TRPM1: variants seen among roughly 807,000 people sequenced by gnomAD.
The protein encoded by TRPM1 is transient receptor potential cation channel subfamily M member 1.
Under a neutral mutation model 149.4 loss-of-function variants are expected in TRPM1, and 113 were observed. The ratio of observed to expected loss-of-function variants is 0.76; its 90% CI spans 0.65 to 0.88. The LOEUF is 0.88. Among genes scored for constraint, TRPM1 ranks in the 40% least tolerant of loss-of-function variants. TRPM1 has a pLI of 0.00. For missense variants in TRPM1, 1,976 were observed against 2,038.7 expected (o/e 0.97, Z 0.59); for synonymous variants, 741 against 759.5 (o/e 0.98, Z 0.40).
Position 31,038,140 on chromosome 15 carries a change from G to T in TRPM1, c.2343C>A (p.Pro781=), listed in dbSNP as rs1332602240. Residue 781 remains proline, a synonymous_variant, in exon 19 of 28, where the codon CCC becomes CCA. Coordinates refer to ENST00000256552, the MANE Select transcript of TRPM1 (RefSeq NM_001252024.2). ...LKVIMGILLP[P]TILFLEFRTY... is the part of the protein sequence containing the mutation. ...TGCGAAATTCCAAAAACAAGATGGT[G>T]GGGGGTAGAAGAATCCCCATGATAA... is the stretch of plus-strand genomic sequence containing the variant. 7 of 1,613,478 alleles carry T rather than the reference G, an allele frequency of 4.3e-6. No homozygotes were observed. In the East Asian group the frequency reaches 6.7e-5, roughly 15 times the overall value.
chr15:31,034,720 T>C (rs1166378009), intron 21 of TRPM1, among the ~76,000 whole-genome samples: 1 of 152,224 alleles, frequency 6.6e-6, no homozygotes, highest in Non-Finnish European at 1.5e-5. Flanking sequence ...TGGACCACAC[T>C]GTGCAAGTGT....
chr15:31,008,592 G>GTGT (rs1402789078), intron 27 of TRPM1, among the ~76,000 whole-genome samples: 2 of 152,008 alleles, frequency 1.3e-5, no homozygotes, highest in African/African-American at 4.8e-5. Context: ...GTGAATTTTT[G>GTGT]TGTCTATGTT....
At chr15:31,112,924 CTT>C (rs1401242286) in intron 1 of TRPM1, among the ~76,000 whole-genome samples, 12 of 152,184 alleles carry the variant, frequency 7.9e-5, no homozygotes, top group African/African-American at 2.2e-4. Flanking sequence ...TGAAATACCT[CTT>C]AATATTTCAC....
At chr15:31,073,183 G>A (rs1277924163) in intron 3 of TRPM1, among the ~76,000 whole-genome samples, 1 of 152,080 alleles carries the variant, frequency 6.6e-6, no homozygotes, top group Non-Finnish European at 1.5e-5. Flanking sequence ...TTTATAGATA[G>A]CATGAGGTAA....
At chr15:31,065,148 G>A in intron 7 of TRPM1, 1 of 533,764 alleles carries the variant, frequency 1.9e-6, no homozygotes, top group Non-Finnish European at 3.8e-6. Flanking sequence ...GTGAAATGGG[G>A]TGTTGTAAAA....
intron 27 of TRPM1, among the ~76,000 whole-genome samples, chr15:31,009,773 A>G (rs1295991581): frequency 6.6e-6 from 1 of 152,158 alleles, no homozygotes; most frequent in Non-Finnish European, 1.5e-5. Flanking sequence ...TTTCTGTTGT[A>G]ATATCTTCAA....
At position 31,067,967 on chromosome 15, in the gene TRPM1, C is replaced by G; in HGVS notation, c.405G>C (p.Gln135His). The change falls in exon 5 of 28, where the codon CAG becomes CAC. Residue 135 changes from glutamine (Q) to histidine (H), a missense_variant. Around this residue, in one of 3 missense-constraint regions of TRPM1, gnomAD observed 1,332 missense variants for 1,347.1 expected, o/e 0.99. Transcript: ENST00000256552. ...VHGGLQNFEM[Q>H]PKLKQVFGKG... ...TCCCAAAGACTTGTTTCAGCTTGGG[C>G]TGCATCTCAAAGTTCTGGAGGCCTC... The G allele has an allele frequency of 6.2e-7, 1 of 1,614,130 alleles. No individual in the cohort carries two copies. The highest frequency in any genetic ancestry group is 8.5e-7 in the Non-Finnish European group (1 of 1,180,024).
intron 27 of TRPM1, among the ~76,000 whole-genome samples, chr15:31,009,061 A>G (rs1175522566): frequency 6.6e-6 from 1 of 152,100 alleles, no homozygotes; most frequent in Non-Finnish European, 1.5e-5. Flanking sequence ...CTTCTGTCTG[A>G]AGAATTTCCT....
chr15:31,117,106 T>C (rs1338759350), intron 1 of TRPM1, among the ~76,000 whole-genome samples: 1 of 152,122 alleles, frequency 6.6e-6, no homozygotes, highest in Non-Finnish European at 1.5e-5. Context: ...TCCCAACACT[T>C]TGGGAGGCCG....
At position 31,001,721 on chromosome 15, in the gene TRPM1, T is replaced by C. The variant is rs1227157345; in HGVS notation, c.*101A>G. On this transcript the variant is annotated 3_prime_UTR_variant, in exon 28 of 28. Coordinates refer to ENST00000256552, the MANE Select transcript of TRPM1 (RefSeq NM_001252024.2). ...TCAAGTCTGAATTTCCAAAATTTTTTAAGGAAAATGTTTTTAGAAATTGAT... is the reference window on the plus strand; with the variant it reads ...TCAAGTCTGAATTTCCAAAATTTTTCAAGGAAAATGTTTTTAGAAATTGAT... 7.2e-7 allele frequency: 1 copy of C among 1,389,854 alleles called. No individual in the cohort carries two copies. Among genetic ancestry groups the C allele is most frequent in the East Asian group, 2.4e-5 (1 of 41,186 alleles). The allele number at this position is 1,389,854 out of a possible 1,614,324, so 86.1% of individuals were successfully genotyped here. A position where few individuals can be genotyped will look rare whatever the true frequency, so the allele number is the denominator to read the frequency against.
At chr15:31,153,532 C>A (rs544094813) in intron 1 of TRPM1, among the ~76,000 whole-genome samples, 3 of 152,248 alleles carry the variant, frequency 2.0e-5, no homozygotes, top group Admixed American at 2.0e-4. Context: ...ACCATGTTGG[C>A]CAGGCTGTCT....
chr15:31,089,952 G>GGT lies in TRPM1; in HGVS notation c.-83-8516_-83-8515dup, dbSNP rs968716258. Among the ~76,000 whole-genome samples, 21 of 152,228 alleles carry GGT rather than the reference G, an allele frequency of 1.4e-4. No individual in the cohort carries two copies. The East Asian group carries it at 1.5e-3, about 11-fold the overall frequency. ...CCGTGTGGGGGTGGGAAGTGACTAC[G>GGT]GTGTGTGTGTGTTTGGTTTTTCTTT... On this transcript the variant is annotated intron_variant, in intron 1 of 27. Coordinates refer to ENST00000256552, the MANE Select transcript of TRPM1 (RefSeq NM_001252024.2).
chr15:31,074,735 AC>A (rs990563489), intron 3 of TRPM1, among the ~76,000 whole-genome samples: 1 of 151,676 alleles, frequency 6.6e-6, no homozygotes, highest in Admixed American at 6.6e-5. Context: ...GGTTTAGTTT[AC>A]TCTTCTTTTT....
At chr15:31,133,366 G>A (rs550081538) in intron 1 of TRPM1, among the ~76,000 whole-genome samples, 1 of 152,164 alleles carries the variant, frequency 6.6e-6, no homozygotes, top group East Asian at 1.9e-4. Context: ...TCAGGAGTTG[G>A]AGAACAGCAT....
At chr15:31,150,395 G>T (rs934499472) in intron 1 of TRPM1, among the ~76,000 whole-genome samples, 2 of 151,632 alleles carry the variant, frequency 1.3e-5, no homozygotes, top group Non-Finnish European at 2.9e-5. Context: ...GGTCAGGCAG[G>T]CAGTTAGGGT....
chr15:31,158,333 A>C (rs2036403161), intron 1 of TRPM1, among the ~76,000 whole-genome samples: 1 of 152,140 alleles, frequency 6.6e-6, no homozygotes, highest in Admixed American at 6.5e-5. Flanking sequence ...AAGTTTATTA[A>C]GAGAGTAAAG....
In TRPM1 at chr15:31,002,113, A is replaced by G. The variant is rs750990305; in HGVS notation, c.4587T>C (p.Asp1529=). Residue 1529 remains aspartate, a synonymous_variant, in exon 28 of 28, where the codon GAT becomes GAC. Transcript: ENST00000256552. ...EHKEQFADMQ[D]EHHVAEAIPR... ...GAATTGCTTCAGCGACATGGTGTTC[A>G]TCTTGCATATCTGCAAACTGCTCTT... The G allele has an allele frequency of 6.2e-7, 1 of 1,614,250 alleles. No individual in the cohort carries two copies. Among genetic ancestry groups the G allele is most frequent in the South Asian group, 1.1e-5 (1 of 91,086 alleles).
intron 16 of TRPM1, among the ~76,000 whole-genome samples, chr15:31,044,765 A>G: frequency 7.3e-6 from 1 of 137,366 alleles, no homozygotes; most frequent in East Asian, 2.2e-4. Context: ...TGGGTGACAG[A>G]GTGAGACTCC....
At chr15:31,117,698 AC>A (rs1302489467) in intron 1 of TRPM1, among the ~76,000 whole-genome samples, 1 of 143,602 alleles carries the variant, frequency 7.0e-6, no homozygotes, top group Non-Finnish European at 1.5e-5. Flanking sequence ...ACACACACAC[AC>A]TAAGGGCTCT....
Sources: gnomAD v4.1 joint callset for allele counts (sites outside exome capture counted in the v4.1 genomes callset) on GRCh38, gnomAD v4.1.1 for gene constraint, gnomAD v4.1.1 regional missense constraint, MANE v1.5 for transcripts, NCBI Gene and HGNC (gene_info 2026-07-23, HGNC 2026-07-21) for gene names.